CHD9: variants seen among roughly 807,000 people sequenced by gnomAD.
CHD9 encodes the protein ATP-dependent chromatin remodeler CHD9.
In CHD9, 77 loss-of-function variants were observed where a neutral mutation model predicts 316.1. That is an observed-to-expected ratio of 0.24 (90% CI 0.20 to 0.29). The LOEUF is 0.29. Among genes scored for constraint, CHD9 ranks in the 10% least tolerant of loss-of-function variants. The pLI is 1.00. For synonymous variants in CHD9, 1,129 were observed against 1,158.3 expected (o/e 0.97, Z 0.51); for missense variants, 2,763 against 3,438.1 (o/e 0.80, Z 4.91).
rs1291355849 is a variant in CHD9, at chr16:53,156,032, A to G, written c.-58A>G. On this transcript the variant is annotated 5_prime_UTR_variant, in exon 2 of 39. Transcript: ENST00000447540. ...AATGATCCAATAATATCTACTATAGAGAAGCTGAATATACTCCATTTGGAG... is the reference window on the plus strand; with the variant it reads ...AATGATCCAATAATATCTACTATAGGGAAGCTGAATATACTCCATTTGGAG... The G allele has an allele frequency of 5.9e-6, 9 of 1,515,386 alleles. No individual in the cohort carries two copies. Among genetic ancestry groups the G allele is most frequent in the African/African-American group, 1.4e-5 (1 of 72,252 alleles). The allele number at this position is 1,515,386 out of a possible 1,614,324, so 93.9% of individuals were successfully genotyped here.
chr16:53,156,774 C>T lies in CHD9; in HGVS notation c.685C>T (p.Gln229Ter). 6.2e-7 allele frequency: 1 copy of T among 1,613,854 alleles called. No homozygotes were observed. The highest frequency in any genetic ancestry group is 8.5e-7 in the Non-Finnish European group (1 of 1,179,862). Reference sequence around the variant, plus strand: ...TAATTCACAACAGTCTATTTCAATGCAGCAATTTTCTCAAACGTCAAATCC... The same window carrying T: ...TAATTCACAACAGTCTATTTCAATGTAGCAATTTTCTCAAACGTCAAATCC... ...ASNSQQSISM[Q>*]QFSQTSNPSA... Residue 229 changes from glutamine (Q) to a stop codon, truncating the protein, a stop_gained, in exon 2 of 39, where the codon CAG (glutamine) becomes TAG (stop). Coordinates refer to ENST00000447540, the MANE Select transcript of CHD9 (RefSeq NM_001308319.2). LOFTEE classifies it high-confidence loss of function.
intron 3 of CHD9, among the ~76,000 whole-genome samples, chr16:53,213,603 GAGTT>G (rs1166845939): frequency 6.6e-6 from 1 of 152,208 alleles, no homozygotes; most frequent in Non-Finnish European, 1.5e-5. Context: ...TAATATTAGA[GAGTT>G]AGGATGAATT....
chr16:53,270,727 G>C (rs2052174294), intron 22 of CHD9, among the ~76,000 whole-genome samples: 1 of 152,276 alleles, frequency 6.6e-6, no homozygotes, highest in South Asian at 2.1e-4. Context: ...TATATTAGTG[G>C]TAACTGATTT....
chr16:53,314,553 T>G, intron 35 of CHD9, 37 bp downstream of exon 35: 1 of 1,474,532 alleles, frequency 6.8e-7, no homozygotes, highest in Non-Finnish European at 9.1e-7. Context: ...ATCCTTGAAT[T>G]CAAAATTCAA....
At chr16:53,261,675 C>T (rs752098058) in intron 19 of CHD9, among the ~76,000 whole-genome samples, 5 of 152,000 alleles carry the variant, frequency 3.3e-5, no homozygotes, top group African/African-American at 4.8e-5. Context: ...ACCATGCCTG[C>T]CTTGGATGTT....
chr16:53,073,566 G>A (rs1245137029), intron 1 of CHD9, among the ~76,000 whole-genome samples: 1 of 152,220 alleles, frequency 6.6e-6, no homozygotes, highest in Non-Finnish European at 1.5e-5. Context: ...ATCTCATCTT[G>A]AACTGTATTC....
intron 37 of CHD9, among the ~76,000 whole-genome samples, chr16:53,319,367 A>G (rs2057108606): frequency 6.6e-6 from 1 of 152,238 alleles, no homozygotes; most frequent in African/African-American, 2.4e-5. Flanking sequence ...CTCATAAGAA[A>G]TATTGGAATT....
At chr16:53,072,301 T>C (rs1296578204) in intron 1 of CHD9, among the ~76,000 whole-genome samples, 1 of 142,590 alleles carries the variant, frequency 7.0e-6, no homozygotes, top group East Asian at 2.0e-4. Flanking sequence ...CTTTCTACTT[T>C]GGAAGGAAAG....
intron 1 of CHD9, among the ~76,000 whole-genome samples, chr16:53,095,410 G>A (rs780718898): frequency 9.2e-5 from 14 of 151,950 alleles, no homozygotes; most frequent in Admixed American, 2.6e-4. Flanking sequence ...GTAGCTGGGC[G>A]TGGTGGTGTG....
chr16:53,260,926 A>G (rs545843843), intron 19 of CHD9, among the ~76,000 whole-genome samples: 8 of 152,266 alleles, frequency 5.3e-5, no homozygotes, highest in African/African-American at 1.9e-4. Flanking sequence ...CCTTAACTTA[A>G]TCATATCTGC....
intron 29 of CHD9, among the ~76,000 whole-genome samples, chr16:53,296,224 A>G (rs556895565): frequency 6.6e-6 from 1 of 152,232 alleles, no homozygotes; most frequent in African/African-American, 2.4e-5. Flanking sequence ...AATATAAGGT[A>G]TTACCTTATA....
intron 38 of CHD9, among the ~76,000 whole-genome samples, chr16:53,323,692 A>T (rs1295930223): frequency 6.6e-6 from 1 of 152,174 alleles, no homozygotes; most frequent in East Asian, 1.9e-4. Context: ...GGTGTGAAAC[A>T]TGTAAGGGTT....
intron 2 of CHD9, among the ~76,000 whole-genome samples, chr16:53,179,269 T>C (rs1216811865): frequency 1.3e-5 from 2 of 151,626 alleles, no homozygotes; most frequent in Non-Finnish European, 1.5e-5. Flanking sequence ...TTCTATATCA[T>C]CTAAAACCTA....
intron 34 of CHD9, among the ~76,000 whole-genome samples, chr16:53,310,461 A>C (rs992250129): frequency 6.6e-6 from 1 of 152,098 alleles, no homozygotes; most frequent in East Asian, 1.9e-4. Flanking sequence ...TGATACTTCT[A>C]TTGCCTGAAC....
intron 1 of CHD9, among the ~76,000 whole-genome samples, chr16:53,086,135 G>A (rs903092225): frequency 5.3e-5 from 8 of 152,086 alleles, no homozygotes; most frequent in African/African-American, 1.9e-4. Flanking sequence ...GGGGACGTGC[G>A]GAAATTGTTA....
At chr16:53,071,709 C>T (rs1329185960) in intron 1 of CHD9, among the ~76,000 whole-genome samples, 1 of 152,204 alleles carries the variant, frequency 6.6e-6, no homozygotes, top group Non-Finnish European at 1.5e-5. Flanking sequence ...AGAGAGCCAT[C>T]AGCTCGCCCA....
chr16:53,323,776 G>A (rs1283501606), intron 38 of CHD9, among the ~76,000 whole-genome samples: 1 of 152,104 alleles, frequency 6.6e-6, no homozygotes, highest in Admixed American at 6.6e-5. Context: ...ATGTTTTACA[G>A]TATGGAGGAA....
intron 13 of CHD9, 112 bp downstream of exon 13, chr16:53,243,128 T>C: frequency 1.5e-6 from 1 of 660,698 alleles, no homozygotes; most frequent in Non-Finnish European, 2.4e-6. Context: ...GTAGTACATC[T>C]GAATCTTATC....
chr16:53,135,707 G>T (rs950740408), intron 1 of CHD9, among the ~76,000 whole-genome samples: 1 of 152,170 alleles, frequency 6.6e-6, no homozygotes, highest in Non-Finnish European at 1.5e-5. Context: ...TGAATGATAA[G>T]CGCCTTAGAA....
Sources: gnomAD v4.1 joint callset for allele counts (sites outside exome capture counted in the v4.1 genomes callset) on GRCh38, gnomAD v4.1.1 for gene constraint, MANE v1.5 for transcripts, NCBI Gene and HGNC (gene_info 2026-07-23, HGNC 2026-07-21) for gene names.